Variants in ENOX1 observed in about 807,000 individuals in gnomAD.
The protein encoded by ENOX1 is candidate growth-related and time keeping constitutive hydroquinone (NADH) oxidase.
A neutral mutation model predicts 82.5 loss-of-function variants in ENOX1; 42 were observed. That is an observed-to-expected ratio of 0.51 (90% confidence interval 0.40 to 0.66). The LOEUF (loss-of-function observed/expected upper bound fraction) is 0.66, where lower values mean the gene tolerates loss of function less well. Among genes scored for constraint, ENOX1 ranks in the 30% least tolerant of loss-of-function variants. ENOX1 has a pLI of 0.00. For missense variants in ENOX1, 608 were observed against 811.6 expected, an observed-to-expected ratio of 0.75 and a Z score of 3.05; for synonymous variants, 271 against 282.2, an observed-to-expected ratio of 0.96 and a Z score of 0.40.
At chr13:43,566,767 T>G (rs1012256265) in intron 2 of ENOX1, among the ~76,000 whole-genome samples, 3 of 151,988 alleles carry the variant, frequency 2.0e-5, no homozygotes, top group African/African-American at 7.2e-5. Context: ...GTATAGATCT[T>G]CGAAAAATTT....
At chr13:43,222,759 C>T (rs182611283) in intron 16 of ENOX1, among the ~76,000 whole-genome samples, 17 of 152,320 alleles carry the variant, frequency 1.1e-4, no homozygotes, top group African/African-American at 3.8e-4. Flanking sequence ...GAAACAACAG[C>T]AGAGAAATCC....
At chr13:43,584,079 C>T (rs937860184) in intron 2 of ENOX1, among the ~76,000 whole-genome samples, 1 of 152,206 alleles carries the variant, frequency 6.6e-6, no homozygotes, top group Non-Finnish European at 1.5e-5. Flanking sequence ...TAGCCAGAAT[C>T]ACAGCAGCAT....
At chr13:43,627,556 G>A (rs1055949505) in intron 2 of ENOX1, among the ~76,000 whole-genome samples, 3 of 151,980 alleles carry the variant, frequency 2.0e-5, no homozygotes, top group African/African-American at 7.2e-5. Flanking sequence ...TTAAAATATA[G>A]TTGTCTTAAA....
intron 3 of ENOX1, among the ~76,000 whole-genome samples, chr13:43,482,808 C>G (rs911808101): frequency 6.6e-6 from 1 of 152,104 alleles, no homozygotes; most frequent in Admixed American, 6.6e-5. Flanking sequence ...CCCAGCACTT[C>G]TGTTTCTATG....
intron 8 of ENOX1, among the ~76,000 whole-genome samples, chr13:43,352,146 A>C (rs1279971572): frequency 6.6e-6 from 1 of 152,152 alleles, no homozygotes; most frequent in Non-Finnish European, 1.5e-5. Context: ...AGGCTATTCT[A>C]TATGCAAATA....
rs1268343823 is a variant in ENOX1 at position 43,470,313 on chromosome 13, TATACAC to T, written c.-75+13690_-75+13695del. Among the ~76,000 whole-genome samples, 19 of 69,140 alleles carry T rather than the reference TATACAC, an allele frequency of 2.7e-4. 4 individuals carry two copies. The highest frequency in any genetic ancestry group is 1.5e-4 in the Admixed American group (1 of 6,610). The allele number at this position is 69,140 out of a possible 152,430, so 45.4% of individuals were successfully genotyped here. On this transcript the variant is annotated intron_variant, in intron 3 of 16. Transcript: ENST00000690772. Reference sequence around the variant, plus strand: ...ATATATACACATATATATACATATATATACACATATATATATGTATATATATACGTA... The same window carrying T: ...ATATATACACATATATATACATATATATATATATATGTATATATATACGTA...
chr13:43,269,097 G>T (rs1432567504), intron 13 of ENOX1, among the ~76,000 whole-genome samples: 1 of 152,196 alleles, frequency 6.6e-6, no homozygotes, highest in African/African-American at 2.4e-5. Context: ...TCATGTGTCT[G>T]CAGGAGTCTC....
intron 3 of ENOX1, among the ~76,000 whole-genome samples, chr13:43,446,532 G>A (rs1445309934): frequency 1.3e-5 from 2 of 151,980 alleles, no homozygotes; most frequent in Non-Finnish European, 2.9e-5. Context: ...CTGGGCTGAT[G>A]GCTCTAACTC....
intron 14 of ENOX1, among the ~76,000 whole-genome samples, chr13:43,247,126 A>G (rs1219426469): frequency 2.6e-5 from 4 of 152,024 alleles, no homozygotes; most frequent in Non-Finnish European, 5.9e-5. Flanking sequence ...GACCAGCCTG[A>G]CCAATACGTT....
chr13:43,416,246 C>A (rs2054529957), intron 3 of ENOX1, among the ~76,000 whole-genome samples: 1 of 129,662 alleles, frequency 7.7e-6, no homozygotes, highest in Non-Finnish European at 1.6e-5. Context: ...TGATGGGTGG[C>A]CGGGCAGAGG....
At chr13:43,299,702 TC>T (rs936797898) in intron 11 of ENOX1, among the ~76,000 whole-genome samples, 1 of 151,566 alleles carries the variant, frequency 6.6e-6, no homozygotes, top group African/African-American at 2.4e-5. Context: ...CCTTTAATCT[TC>T]CCCCTCACAG....
chr13:43,523,357 G>T (rs1049541817), intron 2 of ENOX1, among the ~76,000 whole-genome samples: 2 of 152,150 alleles, frequency 1.3e-5, no homozygotes, highest in African/African-American at 2.4e-5. Flanking sequence ...ACCAGAGGCT[G>T]ATGGTAAGAT....
intron 2 of ENOX1, among the ~76,000 whole-genome samples, chr13:43,661,313 G>A (rs1018215756): frequency 2.0e-5 from 3 of 152,294 alleles, no homozygotes; most frequent in Middle Eastern, 3.4e-3. Flanking sequence ...AATACTGTGC[G>A]CGTTGCAAAA....
chr13:43,694,632 T>G (rs2086542388), intron 1 of ENOX1, among the ~76,000 whole-genome samples: 1 of 152,234 alleles, frequency 6.6e-6, no homozygotes, highest in African/African-American at 2.4e-5. Flanking sequence ...ACTTGAAGAT[T>G]GCTGTCACTT....
intron 2 of ENOX1, among the ~76,000 whole-genome samples, chr13:43,509,259 A>G (rs187304713): frequency 2.9e-4 from 44 of 152,214 alleles, no homozygotes; most frequent in African/African-American, 1.0e-3. Context: ...TCTCCCCACT[A>G]GTATCTAACA....
intron 15 of ENOX1, among the ~76,000 whole-genome samples, chr13:43,235,609 G>A (rs909989654): frequency 3.9e-5 from 6 of 151,940 alleles, no homozygotes; most frequent in Non-Finnish European, 8.8e-5. Context: ...GTGTGCACCT[G>A]TAATCCCAGC....
At chr13:43,576,944 T>C (rs984899310) in intron 2 of ENOX1, among the ~76,000 whole-genome samples, 7 of 152,150 alleles carry the variant, frequency 4.6e-5, no homozygotes, top group Non-Finnish European at 8.8e-5. Flanking sequence ...TTTTACCCCC[T>C]TTATAATTCG....
intron 2 of ENOX1, among the ~76,000 whole-genome samples, chr13:43,557,919 G>A (rs900904465): frequency 6.6e-6 from 1 of 152,180 alleles, no homozygotes; most frequent in African/African-American, 2.4e-5. Flanking sequence ...AGCTGATAGG[G>A]TGTGTACTAC....
chr13:43,487,422 A>T (rs1339120660), intron 2 of ENOX1, among the ~76,000 whole-genome samples: 1 of 152,226 alleles, frequency 6.6e-6, no homozygotes, highest in Non-Finnish European at 1.5e-5. Flanking sequence ...GATATACTTT[A>T]GAAAAACATA....
Sources: allele counts gnomAD v4.1 joint callset (sites outside exome capture counted in the v4.1 genomes callset), GRCh38; gene constraint gnomAD v4.1.1; transcripts MANE v1.5; gene names NCBI Gene and HGNC (gene_info 2026-07-23, HGNC 2026-07-21).